Variants in FARS2 observed in about 807,000 individuals in gnomAD.
The protein encoded by FARS2 is phenylalanyl-tRNA synthetase 2, mitochondrial, also known as phenylalanine--tRNA ligase, mitochondrial.
In FARS2, 40 loss-of-function variants were observed where a neutral mutation model predicts 46.4. The ratio of observed to expected loss-of-function variants is 0.86; its 90% CI spans 0.67 to 1.12. The LOEUF (loss-of-function observed/expected upper bound fraction) is 1.12, where lower values mean the gene tolerates loss of function less well. Among genes scored for constraint, FARS2 ranks in the 50% most tolerant of loss-of-function variants. FARS2 has a pLI of 0.00. For synonymous variants in FARS2, 234 were observed against 214.9 expected (o/e 1.09, Z -0.78); for missense variants, 513 against 567.9 (o/e 0.90, Z 0.98).
chr6:5,330,300 C>T (rs1320896853), intron 1 of FARS2, among the ~76,000 whole-genome samples: 1 of 152,106 alleles, frequency 6.6e-6, no homozygotes, highest in Non-Finnish European at 1.5e-5. Flanking sequence ...CTTATCCATC[C>T]TCACTTTTTT....
chr6:5,649,900 C>G (rs1321674166), intron 6 of FARS2, among the ~76,000 whole-genome samples: 1 of 152,148 alleles, frequency 6.6e-6, no homozygotes, highest in Non-Finnish European at 1.5e-5. Flanking sequence ...CTAAAAATAT[C>G]CTTCTCATTG....
At position 5,368,913 on chromosome 6, in the gene FARS2, A is replaced by C. The variant is rs1758853267; in HGVS notation, c.343A>C (p.Asn115His). 1.2e-6 allele frequency: 2 copies of C among 1,614,052 alleles called. No homozygotes were observed. Among genetic ancestry groups the C allele is most frequent in the Admixed American group, 1.7e-5 (1 of 59,998 alleles). The change falls in exon 2 of 7, where the codon AAC becomes CAC. Residue 115 changes from asparagine to histidine, a missense_variant. Transcript: ENST00000274680. The stretch of plus-strand genomic sequence containing the variant: ...GACCCCGTTGTTCTCGGTCTACGAC[A>C]ACCTTTCTCCAGTGGTCACGACCTG... ...FGTPLFSVYD[N>H]LSPVVTTWQN... is the part of the protein sequence containing the mutation.
intron 1 of FARS2, among the ~76,000 whole-genome samples, chr6:5,288,954 T>A (rs914481305): frequency 6.6e-6 from 1 of 152,226 alleles, no homozygotes; most frequent in Non-Finnish European, 1.5e-5. Flanking sequence ...TATTCTAGGT[T>A]GAATTTCTAA....
intron 3 of FARS2, among the ~76,000 whole-genome samples, chr6:5,428,611 TC>T (rs2127763477): frequency 6.6e-6 from 1 of 152,336 alleles, no homozygotes; most frequent in South Asian, 2.1e-4. Flanking sequence ...TGCACTCACT[TC>T]CATGTCCCAA....
intron 1 of FARS2, among the ~76,000 whole-genome samples, chr6:5,325,383 C>T (rs9392077): frequency 1.2e-4 from 18 of 152,268 alleles, no homozygotes; most frequent in Non-Finnish European, 2.4e-4. Flanking sequence ...ATGCTAAGTA[C>T]TGCCCCCTCC....
At chr6:5,600,657 A>T (rs1222746780) in intron 5 of FARS2, among the ~76,000 whole-genome samples, 1 of 152,240 alleles carries the variant, frequency 6.6e-6, no homozygotes, top group Non-Finnish European at 1.5e-5. Context: ...GCTGATTTTT[A>T]AGTGAATTTA....
At chr6:5,519,590 G>C (rs1427001953) in intron 4 of FARS2, among the ~76,000 whole-genome samples, 1 of 152,122 alleles carries the variant, frequency 6.6e-6, no homozygotes, top group Non-Finnish European at 1.5e-5. Context: ...ATTAATTTCT[G>C]TACTCCCAAC....
At chr6:5,567,061 A>C (rs1417685946) in intron 5 of FARS2, among the ~76,000 whole-genome samples, 1 of 152,256 alleles carries the variant, frequency 6.6e-6, no homozygotes, top group African/African-American at 2.4e-5. Flanking sequence ...TTTACAGTCT[A>C]TAGTCTAAAA....
chr6:5,326,964 C>G (rs1331032701), intron 1 of FARS2, among the ~76,000 whole-genome samples: 3 of 152,208 alleles, frequency 2.0e-5, no homozygotes, highest in African/African-American at 7.2e-5. Flanking sequence ...GCATTAAGGA[C>G]ATTAAACGTG....
chr6:5,656,562 T>TGGTCTGTATGTATATA (rs55849729), intron 6 of FARS2, among the ~76,000 whole-genome samples: 1 of 151,934 alleles, frequency 6.6e-6, no homozygotes, highest in African/African-American at 2.4e-5. Context: ...TCTTTGTTTT[T>TGGTCTGTATGTATATA]TTTTTGGAGA....
intron 1 of FARS2, among the ~76,000 whole-genome samples, chr6:5,309,656 G>A (rs924552848): frequency 6.6e-6 from 1 of 152,200 alleles, no homozygotes; most frequent in Non-Finnish European, 1.5e-5. Flanking sequence ...AAATGTGGAA[G>A]ATATGTATGA....
At chr6:5,706,947 G>GAGC (rs1222206558) in intron 6 of FARS2, among the ~76,000 whole-genome samples, 3 of 152,218 alleles carry the variant, frequency 2.0e-5, no homozygotes, top group African/African-American at 7.2e-5. Flanking sequence ...GATAGAGTCT[G>GAGC]AGCAGCAGCA....
intron 6 of FARS2, among the ~76,000 whole-genome samples, chr6:5,724,736 C>T (rs952692255): frequency 1.3e-5 from 2 of 152,208 alleles, no homozygotes; most frequent in South Asian, 4.1e-4. Context: ...AGCAGCCCAC[C>T]GTACTTCAGG....
At chr6:5,434,087 A>T (rs961295069) in intron 4 of FARS2, among the ~76,000 whole-genome samples, 6 of 149,306 alleles carry the variant, frequency 4.0e-5, no homozygotes, top group Admixed American at 1.4e-4. Flanking sequence ...TTTTGGGGAA[A>T]CTGTACACAT....
At chr6:5,702,029 T>C (rs1758474545) in intron 6 of FARS2, among the ~76,000 whole-genome samples, 1 of 152,250 alleles carries the variant, frequency 6.6e-6, no homozygotes. Flanking sequence ...ATGTTGGCTA[T>C]TTTTTAACTT....
rs3057207 is a variant in FARS2, at chr6:5,640,139, GGTGTGTGTGTGT to G, written c.1217+26834_1217+26845del. 4.0e-5 allele frequency among the ~76,000 whole-genome samples: 6 copies of G among 149,788 alleles called. No individual in the cohort carries two copies. In the East Asian group the frequency reaches 1.2e-3, roughly 30 times the overall value. ...TAATCATTTGAGGGAACTTTTGTCA[GGTGTGTGTGTGT>G]GTGTGTGTGTGTGTACCTGAGAAAA... On this transcript the variant is annotated intron_variant, in intron 6 of 6. Transcript: ENST00000274680.
At chr6:5,446,501 G>A (rs1240564024) in intron 4 of FARS2, among the ~76,000 whole-genome samples, 2 of 152,154 alleles carry the variant, frequency 1.3e-5, no homozygotes, top group East Asian at 1.9e-4. Flanking sequence ...CACATCATAT[G>A]GATGTAGAGA....
intron 3 of FARS2, among the ~76,000 whole-genome samples, chr6:5,406,398 A>G (rs141215972): frequency 4.6e-4 from 70 of 152,320 alleles, no homozygotes; most frequent in African/African-American, 1.7e-3. Flanking sequence ...CATTGTCCCC[A>G]GGAGTTTCCT....
chr6:5,494,752 A>G, intron 4 of FARS2, among the ~76,000 whole-genome samples: 1 of 152,350 alleles, frequency 6.6e-6, no homozygotes, highest in Non-Finnish European at 1.5e-5. Flanking sequence ...TTGAGGAACG[A>G]AACTTCAAAC....
Sources: gnomAD v4.1 joint callset for allele counts (sites outside exome capture counted in the v4.1 genomes callset) on GRCh38, gnomAD v4.1.1 for gene constraint, MANE v1.5 for transcripts, NCBI Gene and HGNC (gene_info 2026-07-23, HGNC 2026-07-21) for gene names.